MRPS27: variants seen among roughly 807,000 people sequenced by gnomAD.
MRPS27 encodes mitochondrial ribosomal protein S27, also known as small ribosomal subunit protein mS27.
A neutral mutation model predicts 48.9 loss-of-function variants in MRPS27; 43 were observed. The ratio of observed to expected loss-of-function variants is 0.88; its 90% CI spans 0.69 to 1.13. The LOEUF (loss-of-function observed/expected upper bound fraction) is 1.13. Ranked by LOEUF, MRPS27 falls within the 50% of genes most tolerant of loss-of-function variation. The pLI is 0.00. For missense variants in MRPS27, 467 were observed against 476.3 expected, an observed-to-expected ratio of 0.98 and a Z score of 0.18; for synonymous variants, 188 against 171.9, an observed-to-expected ratio of 1.09 and a Z score of -0.73.
At chr5:72,296,052 A>T (rs1053797564) in intron 3 of MRPS27, among the ~76,000 whole-genome samples, 1 of 152,116 alleles carries the variant, frequency 6.6e-6, no homozygotes, top group African/African-American at 2.4e-5. Context: ...TCTTGCAACG[A>T]TTTTTTCTAC....
At chr5:72,230,767 T>C (rs1215189393) in intron 7 of MRPS27, among the ~76,000 whole-genome samples, 1 of 152,136 alleles carries the variant, frequency 6.6e-6, no homozygotes, top group Admixed American at 6.6e-5. Context: ...TCTCATAACA[T>C]CCAGTCTTTT....
intron 4 of MRPS27, among the ~76,000 whole-genome samples, chr5:72,277,808 A>G (rs1360104907): frequency 6.6e-6 from 1 of 152,184 alleles, no homozygotes; most frequent in Non-Finnish European, 1.5e-5. Flanking sequence ...ATGGAGCTGG[A>G]AGCCATTATC....
intron 4 of MRPS27, among the ~76,000 whole-genome samples, chr5:72,269,545 G>T (rs1488312609): frequency 2.0e-5 from 3 of 152,220 alleles, no homozygotes; most frequent in Non-Finnish European, 4.4e-5. Context: ...GCTATTGAAT[G>T]AAAGGCAGAT....
At chr5:72,264,017 T>TA (rs1749046651) in intron 4 of MRPS27, among the ~76,000 whole-genome samples, 1 of 152,046 alleles carries the variant, frequency 6.6e-6, no homozygotes, top group South Asian at 2.1e-4. Context: ...GATGAGTGAA[T>TA]AAATAAAATG....
intron 4 of MRPS27, among the ~76,000 whole-genome samples, chr5:72,271,787 GCTGT>G (rs1749248104): frequency 6.6e-6 from 1 of 152,136 alleles, no homozygotes; most frequent in Non-Finnish European, 1.5e-5. Flanking sequence ...ATGAAAGTTA[GCTGT>G]CTATCAGTTA....
intron 2 of MRPS27, among the ~76,000 whole-genome samples, chr5:72,304,937 T>G (rs373707953): frequency 1.2e-4 from 19 of 152,356 alleles, no homozygotes; most frequent in East Asian, 7.7e-4. Flanking sequence ...GTACAGATTA[T>G]TATTGTCCTT....
chr5:72,243,881 T>A (rs768657380), intron 4 of MRPS27, among the ~76,000 whole-genome samples: 1 of 152,216 alleles, frequency 6.6e-6, no homozygotes, highest in East Asian at 1.9e-4. Context: ...ATGCATCCAG[T>A]TGCATAATCA....
At chr5:72,235,381 GAGGGATGAATAGGC>G (rs2111956356) in intron 5 of MRPS27, among the ~76,000 whole-genome samples, 1 of 152,232 alleles carries the variant, frequency 6.6e-6, no homozygotes, top group South Asian at 2.1e-4. Context: ...CAAACCCAAT[GAGGGATGAATAGGC>G]AGGGATGAGG....
At chr5:72,291,592 C>A (rs975167110) in intron 4 of MRPS27, among the ~76,000 whole-genome samples, 5 of 152,254 alleles carry the variant, frequency 3.3e-5, no homozygotes, top group Admixed American at 1.3e-4. Flanking sequence ...GCAAGAAAGA[C>A]ACAGATGCTG....
intron 2 of MRPS27, among the ~76,000 whole-genome samples, chr5:72,303,412 T>C (rs1345481673): frequency 6.6e-6 from 1 of 152,016 alleles, no homozygotes; most frequent in Non-Finnish European, 1.5e-5. Context: ...AAGATAAAAA[T>C]GAGAACTGTA....
At chr5:72,305,824 C>A (rs1303141535) in intron 2 of MRPS27, among the ~76,000 whole-genome samples, 1 of 152,204 alleles carries the variant, frequency 6.6e-6, no homozygotes, top group African/African-American at 2.4e-5. Context: ...CACAGTGGAT[C>A]CTATTCTGTT....
rs1177192307 is a variant in MRPS27 at position 72,220,614 on chromosome 5, T to G, written c.*295A>C. On this transcript the variant is annotated 3_prime_UTR_variant, in exon 11 of 11. Coordinates refer to ENST00000261413, the MANE Select transcript of MRPS27 (RefSeq NM_015084.3). ...AGTACTGTCACTGGGTCTTAGGAAC[T>G]TTAATGCTCATAACTAATCCCTGTG... 2.7e-6 allele frequency: 1 copy of G among 367,918 alleles called. No homozygotes were observed. Among genetic ancestry groups the G allele is most frequent in the East Asian group, 4.8e-5 (1 of 20,846 alleles). The allele number at this position is 367,918 out of a possible 1,614,324, so 22.8% of individuals were successfully genotyped here.
At chr5:72,298,724 CA>C (rs4042799) in intron 2 of MRPS27, among the ~76,000 whole-genome samples, 8 of 121,504 alleles carry the variant, frequency 6.6e-5, no homozygotes, top group South Asian at 5.2e-4. Flanking sequence ...AAAAAAAAAA[CA>C]AAAAAAAAAA....
At chr5:72,303,947 G>T (rs796438973) in intron 2 of MRPS27, among the ~76,000 whole-genome samples, 81 of 142,504 alleles carry the variant, frequency 5.7e-4, no homozygotes, top group African/African-American at 1.8e-3. Context: ...AACAAAAACA[G>T]AAAATGTATT....
At chr5:72,250,013 C>CA (rs142721027) in intron 4 of MRPS27, among the ~76,000 whole-genome samples, 13 of 152,020 alleles carry the variant, frequency 8.6e-5, no homozygotes, top group Admixed American at 4.6e-4. Context: ...ACAAAAATAA[C>CA]AAAAAAACTC....
chr5:72,230,122 T>C (rs1387343404), intron 7 of MRPS27, among the ~76,000 whole-genome samples: 2 of 152,194 alleles, frequency 1.3e-5, no homozygotes, highest in Non-Finnish European at 2.9e-5. Flanking sequence ...CTCAAACTCC[T>C]GGCCTTAAGC....
At chr5:72,303,239 T>C (rs1238003183) in intron 2 of MRPS27, among the ~76,000 whole-genome samples, 1 of 152,210 alleles carries the variant, frequency 6.6e-6, no homozygotes, top group Non-Finnish European at 1.5e-5. Flanking sequence ...TGTACATTGG[T>C]CAAAACTGAT....
rs551280322 is a variant in MRPS27, at chr5:72,220,762, T to G, written c.*147A>C. The G allele has an allele frequency of 4.1e-4, 490 of 1,198,336 alleles. 1 individual carries two copies. The African/African-American group carries it at 6.9e-3, about 17-fold the overall frequency. The allele number at this position is 1,198,336 out of a possible 1,614,324, so 74.2% of individuals were successfully genotyped here. On this transcript the variant is annotated 3_prime_UTR_variant, in exon 11 of 11. Coordinates refer to ENST00000261413, the MANE Select transcript of MRPS27 (RefSeq NM_015084.3). ...TTCTTGGCATCTCGATGGGCAGTCA[T>G]GGTGCCTTGCCATGTAGGGCACATA...
intron 4 of MRPS27, among the ~76,000 whole-genome samples, chr5:72,269,981 TCTGGAGTTTGAGACCAGC>T (rs1190343168): frequency 6.6e-6 from 1 of 151,984 alleles, no homozygotes. Context: ...TCACCTAAGG[TCTGGAGTTTGAGACCAGC>T]CTGGCCAACA....
Sources: allele counts gnomAD v4.1 joint callset (sites outside exome capture counted in the v4.1 genomes callset), GRCh38; gene constraint gnomAD v4.1.1; transcripts MANE v1.5; gene names NCBI Gene and HGNC (gene_info 2026-07-23, HGNC 2026-07-21).